The following ADGRV1 variants were observed in gnomAD, a reference collection of about 807,000 sequenced individuals.
ADGRV1 encodes adhesion G protein-coupled receptor V1.
Under a neutral mutation model 596.2 loss-of-function variants are expected in ADGRV1, and 359 were observed. That is an observed-to-expected ratio of 0.60 (90% CI 0.55 to 0.66). The LOEUF is 0.66. ADGRV1 is among the 30% of genes least tolerant of loss of function. The pLI is 0.00. For missense variants in ADGRV1, 7,274 were observed against 7,575.6 expected, an observed-to-expected ratio of 0.96 and a Z score of 1.48; for synonymous variants, 2,681 against 2,679.2, an observed-to-expected ratio of 1.00 and a Z score of -0.02.
intron 1 of ADGRV1, among the ~76,000 whole-genome samples, chr5:90,586,107 A>G (rs1013114162): frequency 4.6e-5 from 7 of 152,224 alleles, no homozygotes; most frequent in African/African-American, 1.4e-4. Flanking sequence ...TGTGCCATTA[A>G]ATATTTTTAT....
chr5:90,734,433 T>C (rs1287993934), intron 50 of ADGRV1, among the ~76,000 whole-genome samples: 1 of 152,206 alleles, frequency 6.6e-6, no homozygotes, highest in Non-Finnish European at 1.5e-5. Flanking sequence ...TATTTTTGTG[T>C]AAGATTTATT....
chr5:91,118,757 TA>T (rs1268334346), intron 87 of ADGRV1, among the ~76,000 whole-genome samples: 1 of 152,086 alleles, frequency 6.6e-6, no homozygotes, highest in Non-Finnish European at 1.5e-5. Context: ...ACTTTTTTTT[TA>T]AGACACTGAA....
At chr5:90,793,226 A>C (rs1289767183) in intron 70 of ADGRV1, 1 of 152,276 alleles carries the variant, frequency 6.6e-6, no homozygotes, top group Non-Finnish European at 1.5e-5. Context: ...AAGTGGATTA[A>C]GTTAACCAGA....
intron 85 of ADGRV1, among the ~76,000 whole-genome samples, chr5:90,989,134 ATAAT>A (rs1178309390): frequency 6.6e-6 from 1 of 152,058 alleles, no homozygotes; most frequent in Non-Finnish European, 1.5e-5. Context: ...AGCATGATTT[ATAAT>A]CCTTTGGGTA....
rs1754515807 is a variant in ADGRV1, at chr5:90,745,503, A to G, written c.10770-88A>G. The G allele has an allele frequency of 2.0e-5, 18 of 917,878 alleles. 2 individuals carry two copies. In the South Asian group the frequency reaches 3.3e-4, roughly 17 times the overall value. 56.9% of individuals were successfully genotyped at this position (917,878 alleles called of 1,614,324 possible). ...AATGTTGTGATTCTTCCAAACCTTT[A>G]ATATCAATTAATGTAATGAGTAGTC... On this transcript the variant is annotated intron_variant, in intron 51 of 89. Transcript: ENST00000405460.
chr5:90,601,027 G>A (rs1038072076), intron 1 of ADGRV1, among the ~76,000 whole-genome samples: 31 of 151,992 alleles, frequency 2.0e-4, no homozygotes, highest in Non-Finnish European at 3.2e-4. Context: ...ACCCGAGGTC[G>A]GGAGTTCAAG....
intron 85 of ADGRV1, among the ~76,000 whole-genome samples, chr5:91,022,060 G>A (rs1008632220): frequency 6.6e-6 from 1 of 152,070 alleles, no homozygotes; most frequent in African/African-American, 2.4e-5. Flanking sequence ...ACAAATGATA[G>A]CGCATGCAAC....
chr5:90,985,636 G>T, intron 85 of ADGRV1, 114 bp downstream of exon 85: 1 of 735,648 alleles, frequency 1.4e-6, no homozygotes, highest in Non-Finnish European at 2.3e-6. Context: ...TTCTGCCACA[G>T]TGTCTGAAGC....
At position 90,811,115 on chromosome 5, in the gene ADGRV1, A is replaced by G. The variant is rs727505154; in HGVS notation, c.15855A>G (p.Leu5285=). ...PFRGIYGISN[L]TWAVEEEDFE... is the part of the protein sequence containing the mutation. Reference sequence around the variant, plus strand: ...GTGGTATCTATGGGATTTCCAACCTAACATGGGCAGTTGAAGAAGAAGACT... The same window carrying G: ...GTGGTATCTATGGGATTTCCAACCTGACATGGGCAGTTGAAGAAGAAGACT... The change falls in exon 74 of 90, where the codon CTA becomes CTG. Residue 5285 remains leucine, a synonymous_variant. Coordinates refer to ENST00000405460, the MANE Select transcript of ADGRV1 (RefSeq NM_032119.4). 1.9e-6 allele frequency: 3 copies of G among 1,613,916 alleles called. No homozygotes were observed. Among genetic ancestry groups the G allele is most frequent in the Non-Finnish European group, 1.7e-6 (2 of 1,179,798 alleles).
intron 85 of ADGRV1, among the ~76,000 whole-genome samples, chr5:91,022,052 A>G (rs1049727302): frequency 6.6e-6 from 1 of 152,122 alleles, no homozygotes; most frequent in Non-Finnish European, 1.5e-5. Flanking sequence ...TCATACAAAC[A>G]AATGATAGCG....
chr5:91,125,408 A>G (rs1485908975), intron 87 of ADGRV1, among the ~76,000 whole-genome samples: 5 of 152,216 alleles, frequency 3.3e-5, no homozygotes, highest in Non-Finnish European at 7.3e-5. Context: ...TGGAAGATAC[A>G]GTGAGAGCTA....
In ADGRV1 at chr5:90,837,917, A is replaced by C. The variant is rs1765107872; in HGVS notation, c.16612-2661A>C. ...ACTATCCCCACCTTGCAGATAATTTATATCTTGAATTTTATGTTAAATTAT... is the reference window on the plus strand; with the variant it reads ...ACTATCCCCACCTTGCAGATAATTTCTATCTTGAATTTTATGTTAAATTAT... On this transcript the variant is annotated intron_variant, in intron 77 of 89. Transcript: ENST00000405460. 2.0e-5 allele frequency among the ~76,000 whole-genome samples: 3 copies of C among 152,046 alleles called. No individual in the cohort carries two copies. The South Asian group carries it at 6.2e-4, about 32-fold the overall frequency.
chr5:90,631,593 C>T (rs1765510680), intron 9 of ADGRV1, among the ~76,000 whole-genome samples: 1 of 152,110 alleles, frequency 6.6e-6, no homozygotes, highest in Admixed American at 6.5e-5. Flanking sequence ...GGAAAATTTT[C>T]ATGTGATGCG....
intron 22 of ADGRV1, among the ~76,000 whole-genome samples, chr5:90,673,523 A>G (rs1362280008): frequency 1.3e-5 from 2 of 152,168 alleles, no homozygotes; most frequent in Non-Finnish European, 2.9e-5. Context: ...TAACTTATAA[A>G]CAACAGAAAG....
At chr5:90,948,600 T>C (rs1776797504) in intron 83 of ADGRV1, among the ~76,000 whole-genome samples, 1 of 152,078 alleles carries the variant, frequency 6.6e-6, no homozygotes, top group Non-Finnish European at 1.5e-5. Context: ...GTCCTTGACT[T>C]ACAATGGGGT....
chr5:90,840,004 T>G (rs557109834), intron 77 of ADGRV1, among the ~76,000 whole-genome samples: 49 of 152,356 alleles, frequency 3.2e-4, no homozygotes, highest in African/African-American at 1.1e-3. Flanking sequence ...GTGTTCATGC[T>G]TCACGTTCCA....
chr5:90,625,094 T>A, intron 5 of ADGRV1, 36 bp from the exon 6 acceptor site: 2 of 1,239,412 alleles, frequency 1.6e-6, no homozygotes, highest in Non-Finnish European at 2.4e-6. Flanking sequence ...GTGAAGTATT[T>A]TGCATTTATT....
At chr5:91,139,580 G>A (rs772653040) in intron 87 of ADGRV1, among the ~76,000 whole-genome samples, 4 of 152,188 alleles carry the variant, frequency 2.6e-5, no homozygotes, top group African/African-American at 4.8e-5. Context: ...ATTTAATTGT[G>A]TGCTATATAG....
chr5:90,721,151 T>G, intron 45 of ADGRV1, 92 bp downstream of exon 45: 1 of 1,096,236 alleles, frequency 9.1e-7, no homozygotes, highest in South Asian at 1.6e-5. Flanking sequence ...TGTATGTTAT[T>G]GATCATTTGA....
Sources: gnomAD v4.1 joint callset for allele counts (sites outside exome capture counted in the v4.1 genomes callset) on GRCh38, gnomAD v4.1.1 for gene constraint, MANE v1.5 for transcripts, NCBI Gene and HGNC (gene_info 2026-07-23, HGNC 2026-07-21) for gene names.